DENND4C: variants seen among roughly 807,000 people sequenced by gnomAD.
The protein encoded by DENND4C is DENN domain containing 4C, also known as DENN domain-containing protein 4C.
A neutral mutation model predicts 203.0 loss-of-function variants in DENND4C; 108 were observed. The ratio of observed to expected loss-of-function variants is 0.53; its 90% CI spans 0.46 to 0.62. DENND4C has a LOEUF of 0.62. Ranked by LOEUF, DENND4C falls within the 20% of genes least tolerant of loss-of-function variation. The probability of loss-of-function intolerance (pLI) is 0.00; values close to 1 mark genes in which losing one functional copy is unlikely to be tolerated. For missense variants in DENND4C, 2,481 were observed against 2,301.2 expected (o/e 1.08, Z -1.60); for synonymous variants, 871 against 792.4 (o/e 1.10, Z -1.67).
At chr9:19,305,172 A>T (rs1425672901) in intron 9 of DENND4C, among the ~76,000 whole-genome samples, 180 bp from the exon 10 acceptor site, 1 of 152,066 alleles carries the variant, frequency 6.6e-6, no homozygotes, top group East Asian at 1.9e-4. Flanking sequence ...AATTTTAATT[A>T]CATTTGTTCT....
At chr9:19,319,546 CT>C (rs1198127686) in intron 12 of DENND4C, among the ~76,000 whole-genome samples, 1 of 150,520 alleles carries the variant, frequency 6.6e-6, no homozygotes, top group Non-Finnish European at 1.5e-5. Context: ...GAGTGATGAG[CT>C]TTAGAGGTGC....
At chr9:19,364,569 C>T (rs1255969011) in intron 30 of DENND4C, among the ~76,000 whole-genome samples, 1 of 152,210 alleles carries the variant, frequency 6.6e-6, no homozygotes, top group Non-Finnish European at 1.5e-5. Flanking sequence ...CCACTGTTCC[C>T]AGCCCCAGCT....
At chr9:19,267,747 C>G (rs1400437524) in intron 1 of DENND4C, among the ~76,000 whole-genome samples, 2 of 151,950 alleles carry the variant, frequency 1.3e-5, no homozygotes, top group Non-Finnish European at 2.9e-5. Context: ...CCATCTTGCC[C>G]AGGCTAGTCT....
intron 1 of DENND4C, among the ~76,000 whole-genome samples, chr9:19,254,544 A>G (rs1564089807): frequency 6.6e-6 from 1 of 152,232 alleles, no homozygotes; most frequent in Non-Finnish European, 1.5e-5. Flanking sequence ...AGTTGAACTC[A>G]TAAAAGCAGA....
chr9:19,268,173 C>A (rs1052701555), intron 1 of DENND4C, among the ~76,000 whole-genome samples: 6 of 151,670 alleles, frequency 4.0e-5, no homozygotes, highest in Non-Finnish European at 5.9e-5. Context: ...AATCTCAGCT[C>A]ACTGTAGCCT....
intron 1 of DENND4C, among the ~76,000 whole-genome samples, chr9:19,272,753 TG>T (rs1172393836): frequency 6.6e-6 from 1 of 151,962 alleles, no homozygotes; most frequent in African/African-American, 2.4e-5. Context: ...GGATTAGACA[TG>T]TTTTTTTATT....
intron 1 of DENND4C, among the ~76,000 whole-genome samples, chr9:19,243,612 A>G (rs1824336437): frequency 6.6e-6 from 1 of 152,152 alleles, no homozygotes; most frequent in South Asian, 2.1e-4. Flanking sequence ...GACTTAGGCA[A>G]TGTGTGACCT....
chr9:19,268,607 A>G (rs1327479590), intron 1 of DENND4C, among the ~76,000 whole-genome samples: 1 of 152,132 alleles, frequency 6.6e-6, no homozygotes, highest in African/African-American at 2.4e-5. Context: ...TATTTCCTGT[A>G]GGACAGGTCT....
At chr9:19,357,190 T>C (rs1230922195) in intron 27 of DENND4C, 36 bp downstream of exon 27, 1 of 1,605,670 alleles carries the variant, frequency 6.2e-7, no homozygotes. Flanking sequence ...TATGTAGTAA[T>C]AAATGGGGTA....
chr9:19,279,625 C>T (rs190004152), intron 2 of DENND4C, among the ~76,000 whole-genome samples: 10 of 150,324 alleles, frequency 6.7e-5, no homozygotes, highest in Admixed American at 6.0e-4. Flanking sequence ...TGCAGTGAGC[C>T]AAGATTGTGC....
chr9:19,351,784 G>A (rs1429156388), intron 24 of DENND4C, among the ~76,000 whole-genome samples: 1 of 148,634 alleles, frequency 6.7e-6, no homozygotes, highest in Non-Finnish European at 1.5e-5. Flanking sequence ...TCTAGCCTGG[G>A]CAACAGAGCG....
intron 30 of DENND4C, among the ~76,000 whole-genome samples, chr9:19,367,009 G>C (rs1464958591): frequency 6.6e-6 from 1 of 152,132 alleles, no homozygotes; most frequent in Non-Finnish European, 1.5e-5. Flanking sequence ...GTAATAAAAA[G>C]GCAACCCATT....
chr9:19,242,756 A>C (rs186934569), intron 1 of DENND4C, among the ~76,000 whole-genome samples: 2 of 152,066 alleles, frequency 1.3e-5, no homozygotes, highest in East Asian at 3.9e-4. Context: ...CCTGGGTTGA[A>C]GTGATTGTCC....
intron 1 of DENND4C, among the ~76,000 whole-genome samples, chr9:19,262,073 GTTCTTTTTTTT>G (rs1411103666): frequency 0.025 from 1,843 of 73,880 alleles, 53 homozygotes; most frequent in African/African-American, 0.078. Flanking sequence ...GAATTTATTA[GTTCTTTTTTTT>G]TTTTTTTTTT....
In DENND4C at chr9:19,334,284, C is replaced by G. The variant is rs549844552; in HGVS notation, c.2461-693C>G. On this transcript the variant is annotated intron_variant, in intron 17 of 32. Coordinates refer to ENST00000434457, the MANE Select transcript of DENND4C (RefSeq NM_001330640.2). ...CAGGCTGATCTCGAACTCCTGACCT[C>G]AGGTGATCTGCCTGCCTGGGCCTCC... 1.3e-3 allele frequency among the ~76,000 whole-genome samples: 205 copies of G among 152,180 alleles called. 1 individual carries two copies. Among genetic ancestry groups the G allele is most frequent in the African/African-American group, 4.0e-3 (166 of 41,544 alleles).
intron 18 of DENND4C, among the ~76,000 whole-genome samples, chr9:19,335,579 A>T (rs929051655): frequency 1.3e-5 from 2 of 151,944 alleles, no homozygotes; most frequent in Non-Finnish European, 2.9e-5. Context: ...ACTTTCCTGG[A>T]TCTCATATAT....
chr9:19,332,505 C>G (rs564943512), intron 17 of DENND4C, among the ~76,000 whole-genome samples: 4 of 148,982 alleles, frequency 2.7e-5, no homozygotes, highest in South Asian at 2.1e-4. Context: ...CACATGTTAC[C>G]ATACCTGGCT....
At chr9:19,245,466 C>CAAAAA (rs11396447) in intron 1 of DENND4C, among the ~76,000 whole-genome samples, 1 of 139,962 alleles carries the variant, frequency 7.1e-6, no homozygotes, top group African/African-American at 2.6e-5. Flanking sequence ...GACTCAGTCT[C>CAAAAA]AAAAAAAAAA....
At chr9:19,274,355 G>A (rs1395956208) in intron 1 of DENND4C, among the ~76,000 whole-genome samples, 1 of 151,928 alleles carries the variant, frequency 6.6e-6, no homozygotes, top group Non-Finnish European at 1.5e-5. Context: ...GAGTGCAATG[G>A]TGCGATCTCG....
Sources: allele counts gnomAD v4.1 joint callset (sites outside exome capture counted in the v4.1 genomes callset), GRCh38; gene constraint gnomAD v4.1.1; transcripts MANE v1.5; gene names NCBI Gene and HGNC (gene_info 2026-07-23, HGNC 2026-07-21).